The following PCDH15 variants were observed in gnomAD, a reference collection of about 807,000 sequenced individuals.
The protein encoded by PCDH15 is protocadherin-15.
A neutral mutation model predicts 178.5 loss-of-function variants in PCDH15; 129 were observed. That is an observed-to-expected ratio of 0.72 (90% confidence interval 0.63 to 0.84). The LOEUF (loss-of-function observed/expected upper bound fraction) is 0.84. PCDH15 is among the 40% of genes least tolerant of loss of function. The pLI is 0.00. For missense variants in PCDH15, 2,230 were observed against 2,099.9 expected, an observed-to-expected ratio of 1.06 and a Z score of -1.21; for synonymous variants, 800 against 732.0, an observed-to-expected ratio of 1.09 and a Z score of -1.50.
intron 25 of PCDH15, among the ~76,000 whole-genome samples, chr10:53,911,616 G>A (rs552859602): frequency 2.6e-5 from 4 of 152,280 alleles, no homozygotes; most frequent in Middle Eastern, 3.4e-3. Context: ...AACTGAAGGA[G>A]ATAGAAACAC....
intron 1 of PCDH15, among the ~76,000 whole-genome samples, chr10:54,690,809 T>C (rs900518088): frequency 1.3e-5 from 2 of 152,236 alleles, no homozygotes; most frequent in South Asian, 4.2e-4. Context: ...TGAAACTGTT[T>C]ATTATCTCAG....
chr10:55,464,726 A>G (rs778787921), intron 2 of PCDH15, among the ~76,000 whole-genome samples: 7 of 149,136 alleles, frequency 4.7e-5, no homozygotes, highest in Non-Finnish European at 1.0e-4. Context: ...ATGTGTGTGT[A>G]TATATATATG....
At chr10:54,960,001 G>T (rs1838600924) in intron 2 of PCDH15, among the ~76,000 whole-genome samples, 1 of 152,062 alleles carries the variant, frequency 6.6e-6, no homozygotes, top group African/African-American at 2.4e-5. Context: ...TAGCCTTTTG[G>T]TCTTTGAAAA....
intron 2 of PCDH15, among the ~76,000 whole-genome samples, chr10:55,380,263 G>T (rs1777676): frequency 0.22 from 33,480 of 151,998 alleles, 3,949 homozygotes; most frequent in African/African-American, 0.3. Context: ...TCACTAAAAA[G>T]ACATAGGGAA....
intron 25 of PCDH15, among the ~76,000 whole-genome samples, chr10:53,927,732 A>G (rs543187771): frequency 2.0e-5 from 3 of 152,258 alleles, no homozygotes; most frequent in South Asian, 2.1e-4. Context: ...TATCTATACT[A>G]TTCTCTTCTT....
chr10:54,763,028 T>C (rs1948080700), intron 1 of PCDH15, among the ~76,000 whole-genome samples: 1 of 152,202 alleles, frequency 6.6e-6, no homozygotes, highest in Non-Finnish European at 1.5e-5. Context: ...TTACTTGTCA[T>C]GATTAGATAT....
intron 2 of PCDH15, among the ~76,000 whole-genome samples, chr10:55,618,631 C>T (rs1162764618): frequency 1.3e-5 from 2 of 151,962 alleles, no homozygotes; most frequent in Non-Finnish European, 2.9e-5. Flanking sequence ...CAGCATGTTA[C>T]CTGAATTATC....
intron 2 of PCDH15, among the ~76,000 whole-genome samples, chr10:55,395,264 T>A (rs1271650892): frequency 6.6e-6 from 1 of 151,742 alleles, no homozygotes; most frequent in Non-Finnish European, 1.5e-5. Context: ...TGTGTAGTTT[T>A]CTATGGGTTC....
chr10:54,726,552 G>T lies in PCDH15; in HGVS notation c.-28-62262C>A, dbSNP rs542395917. On this transcript the variant is annotated intron_variant, in intron 1 of 37. Transcript: ENST00000644397. ...GAAAGAGAATGATGAGAGGGCACAG[G>T]TCAAATAATAAAATGAGAGATATGG... Among the ~76,000 whole-genome samples, 3 of 151,172 alleles carry T rather than the reference G, an allele frequency of 2.0e-5. No individual in the cohort carries two copies. The East Asian group carries it at 5.9e-4, about 30-fold the overall frequency.
chr10:54,622,676 A>ATTTT (rs2093412483), intron 2 of PCDH15, among the ~76,000 whole-genome samples: 1 of 77,456 alleles, frequency 1.3e-5, no homozygotes, highest in African/African-American at 5.4e-5. Flanking sequence ...TATTATATAT[A>ATTTT]ATATATATTA....
intron 2 of PCDH15, among the ~76,000 whole-genome samples, chr10:55,149,290 C>T (rs543990148): frequency 4.7e-4 from 71 of 151,690 alleles, no homozygotes; most frequent in African/African-American, 1.6e-3. Flanking sequence ...TATTCTAGCA[C>T]TTATTTAATA....
At chr10:54,961,222 C>T (rs781189628) in intron 2 of PCDH15, among the ~76,000 whole-genome samples, 13 of 152,174 alleles carry the variant, frequency 8.5e-5, no homozygotes, top group Non-Finnish European at 1.9e-4. Flanking sequence ...TGTGACCTGG[C>T]CAGTTGTGCA....
At chr10:54,834,324 G>T (rs1262850877) in intron 3 of PCDH15, among the ~76,000 whole-genome samples, 1 of 151,728 alleles carries the variant, frequency 6.6e-6, no homozygotes, top group Non-Finnish European at 1.5e-5. Flanking sequence ...CAAGTAGCTG[G>T]TGAACCACCA....
At position 54,300,631 on chromosome 10, in the gene PCDH15, C is replaced by T. The variant is rs187734005; in HGVS notation, c.876+16640G>A. On this transcript the variant is annotated intron_variant, in intron 8 of 37. Coordinates refer to ENST00000644397, the MANE Select transcript of PCDH15 (RefSeq NM_001384140.1). ...TTAGAGGAGGGATTGAGAGGTGAAG[C>T]CAGCTGAGCTTCTGGGTCGGATGGG... Among the ~76,000 whole-genome samples the T allele has an allele frequency of 1.6e-3, 248 of 152,222 alleles. 2 individuals carry two copies. Among genetic ancestry groups the T allele is most frequent in the Middle Eastern group, 6.8e-3 (2 of 294 alleles).
In PCDH15 at chr10:54,061,828, T is replaced by A. The variant is rs1174052917; in HGVS notation, c.2220+4929A>T. On this transcript the variant is annotated intron_variant, in intron 18 of 37. Coordinates refer to ENST00000644397, the MANE Select transcript of PCDH15 (RefSeq NM_001384140.1). Reference sequence around the variant, plus strand: ...ACATTAAAAATTGTTGATTGGTAGGTTATTTTTTAATATGCTGGATAAAAC... The same window carrying A: ...ACATTAAAAATTGTTGATTGGTAGGATATTTTTTAATATGCTGGATAAAAC... Among the ~76,000 whole-genome samples the A allele has an allele frequency of 2.0e-5, 3 of 152,282 alleles. No individual in the cohort carries two copies. In the East Asian group the frequency reaches 5.8e-4, roughly 29 times the overall value.
At chr10:54,454,579 T>A (rs1422463005) in intron 3 of PCDH15, among the ~76,000 whole-genome samples, 1 of 151,930 alleles carries the variant, frequency 6.6e-6, no homozygotes. Context: ...AGAATACACA[T>A]GCATAGACAT....
chr10:54,122,706 G>C (rs527587587), intron 15 of PCDH15, among the ~76,000 whole-genome samples: 7 of 152,050 alleles, frequency 4.6e-5, no homozygotes, highest in African/African-American at 1.7e-4. Context: ...CAAGGTACTA[G>C]GATACAATCA....
intron 28 of PCDH15, among the ~76,000 whole-genome samples, chr10:53,846,495 C>G (rs1207204937): frequency 6.6e-6 from 1 of 151,752 alleles, no homozygotes; most frequent in Non-Finnish European, 1.5e-5. Flanking sequence ...TCTAAATAAC[C>G]TTCTTAGAAT....
intron 2 of PCDH15, among the ~76,000 whole-genome samples, chr10:55,536,732 A>C (rs1446519805): frequency 6.6e-6 from 1 of 152,134 alleles, no homozygotes; most frequent in African/African-American, 2.4e-5. Flanking sequence ...ACTTTGTAGC[A>C]GAAATTTAAG....
Sources: gnomAD v4.1 joint callset for allele counts (sites outside exome capture counted in the v4.1 genomes callset) on GRCh38, gnomAD v4.1.1 for gene constraint, MANE v1.5 for transcripts, NCBI Gene and HGNC (gene_info 2026-07-23, HGNC 2026-07-21) for gene names.